GPC5: variants seen among roughly 807,000 people sequenced by gnomAD.
The protein encoded by GPC5 is glypican 5, also known as glypican-5.
Under a neutral mutation model 53.9 loss-of-function variants are expected in GPC5, and 47 were observed. The observed-to-expected ratio is 0.87, with a 90% CI of 0.69 to 1.11. GPC5 has a LOEUF of 1.11. Among genes scored for constraint, GPC5 ranks in the 50% most tolerant of loss-of-function variants. GPC5 has a pLI of 0.00. For synonymous variants in GPC5, 286 were observed against 263.3 expected, an observed-to-expected ratio of 1.09 and a Z score of -0.84; for missense variants, 748 against 713.1, an observed-to-expected ratio of 1.05 and a Z score of -0.56.
chr13:91,720,198 C>T (rs1216080777), intron 3 of GPC5, among the ~76,000 whole-genome samples: 7 of 152,094 alleles, frequency 4.6e-5, no homozygotes, highest in Admixed American at 1.3e-4. Context: ...TCCAAAATTC[C>T]GTGAATGATT....
intron 6 of GPC5, among the ~76,000 whole-genome samples, chr13:92,108,035 CT>C (rs2041523849): frequency 6.6e-6 from 1 of 152,100 alleles, no homozygotes; most frequent in Admixed American, 6.5e-5. Flanking sequence ...GAGAAGTCTC[CT>C]TTTTCCAGAG....
intron 5 of GPC5, among the ~76,000 whole-genome samples, chr13:91,858,001 C>T (rs1004410358): frequency 2.6e-5 from 4 of 151,466 alleles, no homozygotes; most frequent in Non-Finnish European, 5.9e-5. Flanking sequence ...TTATGTGTTA[C>T]TAGAATTTAT....
At chr13:91,831,890 A>G (rs767679638) in intron 5 of GPC5, among the ~76,000 whole-genome samples, 3 of 152,100 alleles carry the variant, frequency 2.0e-5, no homozygotes, top group East Asian at 1.9e-4. Context: ...GATGTGGTCA[A>G]TCTTAGAATA....
intron 6 of GPC5, among the ~76,000 whole-genome samples, chr13:92,070,187 G>T (rs765383261): frequency 1.4e-4 from 22 of 152,146 alleles, no homozygotes; most frequent in Middle Eastern, 3.2e-3. Context: ...CCAGCTGACA[G>T]CCAGCAAGGA....
intron 5 of GPC5, among the ~76,000 whole-genome samples, chr13:91,805,107 T>C (rs182633635): frequency 8.5e-5 from 13 of 152,266 alleles, no homozygotes; most frequent in African/African-American, 2.6e-4. Context: ...GTGGGTGACT[T>C]GAAAACAATG....
At chr13:92,215,156 A>T (rs2042401013) in intron 7 of GPC5, among the ~76,000 whole-genome samples, 2 of 152,212 alleles carry the variant, frequency 1.3e-5, no homozygotes, top group Admixed American at 6.5e-5. Context: ...GAATAATTAT[A>T]TCCATGTGAA....
chr13:92,559,776 C>T (rs1279139892), intron 7 of GPC5, among the ~76,000 whole-genome samples: 1 of 151,434 alleles, frequency 6.6e-6, no homozygotes, highest in African/African-American at 2.4e-5. Flanking sequence ...GGTGTTTTTT[C>T]CACATGGTCC....
intron 7 of GPC5, among the ~76,000 whole-genome samples, chr13:92,391,551 T>C (rs1875003795): frequency 6.6e-6 from 1 of 152,232 alleles, no homozygotes; most frequent in Non-Finnish European, 1.5e-5. Context: ...CCAAGTATAA[T>C]GGAATATTCC....
intron 7 of GPC5, among the ~76,000 whole-genome samples, chr13:92,693,285 G>A (rs1227142220): frequency 6.6e-6 from 1 of 152,146 alleles, no homozygotes; most frequent in Non-Finnish European, 1.5e-5. Flanking sequence ...AAAATGTGGA[G>A]GCGACATTGG....
chr13:92,535,562 T>C (rs1023427485), intron 7 of GPC5, among the ~76,000 whole-genome samples: 1 of 152,098 alleles, frequency 6.6e-6, no homozygotes, highest in Non-Finnish European at 1.5e-5. Flanking sequence ...TGGGTTTCTG[T>C]TCTTTGACAC....
At chr13:92,025,608 T>G (rs534292582) in intron 6 of GPC5, among the ~76,000 whole-genome samples, 1 of 152,260 alleles carries the variant, frequency 6.6e-6, no homozygotes, top group African/African-American at 2.4e-5. Flanking sequence ...TCTCAAAGAA[T>G]TGGCCCAACT....
At chr13:92,814,757 C>T (rs962879685) in intron 7 of GPC5, among the ~76,000 whole-genome samples, 1 of 151,780 alleles carries the variant, frequency 6.6e-6, no homozygotes, top group Non-Finnish European at 1.5e-5. Context: ...CTGAAACTGT[C>T]CTTGATGATG....
intron 6 of GPC5, among the ~76,000 whole-genome samples, chr13:92,099,318 G>A (rs1316633936): frequency 6.6e-6 from 1 of 152,144 alleles, no homozygotes; most frequent in Non-Finnish European, 1.5e-5. Flanking sequence ...CATGGCTCCT[G>A]CTACCCACTC....
intron 7 of GPC5, among the ~76,000 whole-genome samples, chr13:92,199,979 G>A (rs530305654): frequency 6.6e-6 from 1 of 152,242 alleles, no homozygotes; most frequent in East Asian, 1.9e-4. Context: ...GATTTTGTTA[G>A]TATGTCATGC....
chr13:92,810,150 AC>A (rs1449213479), intron 7 of GPC5, among the ~76,000 whole-genome samples: 3 of 151,750 alleles, frequency 2.0e-5, no homozygotes, highest in Admixed American at 2.0e-4. Context: ...TTATTGAAAA[AC>A]CCCTATACTT....
intron 7 of GPC5, among the ~76,000 whole-genome samples, chr13:92,160,441 T>C (rs546612480): frequency 1.3e-5 from 2 of 152,352 alleles, no homozygotes; most frequent in South Asian, 4.1e-4. Context: ...TATATTCTAC[T>C]GTGTAGGATA....
intron 2 of GPC5, among the ~76,000 whole-genome samples, chr13:91,575,677 T>G (rs1021905185): frequency 1.3e-5 from 2 of 152,144 alleles, no homozygotes; most frequent in African/African-American, 2.4e-5. Context: ...AATTAGAAAT[T>G]TCTTTAAAAC....
intron 7 of GPC5, among the ~76,000 whole-genome samples, chr13:92,356,941 A>G (rs1029732108): frequency 5.3e-5 from 8 of 152,128 alleles, no homozygotes; most frequent in African/African-American, 1.9e-4. Context: ...TCGTTTAGTG[A>G]CAGTTTACAA....
intron 4 of GPC5, among the ~76,000 whole-genome samples, chr13:91,740,160 T>C (rs138254127): frequency 6.6e-5 from 10 of 152,290 alleles, no homozygotes; most frequent in South Asian, 2.1e-4. Context: ...GCCTGCATAC[T>C]GATTACTGTC....
Sources: gnomAD v4.1 joint callset for allele counts (sites outside exome capture counted in the v4.1 genomes callset) on GRCh38, gnomAD v4.1.1 for gene constraint, MANE v1.5 for transcripts, NCBI Gene and HGNC (gene_info 2026-07-23, HGNC 2026-07-21) for gene names.